The following DHX38 variants were observed in gnomAD, a reference collection of about 807,000 sequenced individuals.
DHX38 encodes DEAH-box helicase 38, also known as pre-mRNA-splicing factor ATP-dependent RNA helicase PRP16.
Under a neutral mutation model 153.1 loss-of-function variants are expected in DHX38, and 100 were observed. The ratio of observed to expected loss-of-function variants is 0.65; its 90% CI spans 0.56 to 0.77. DHX38 has a LOEUF of 0.77. Among genes scored for constraint, DHX38 ranks in the 30% least tolerant of loss-of-function variants. The pLI, the probability that DHX38 is intolerant of heterozygous loss-of-function variation, is 0.00. For synonymous variants in DHX38, 650 were observed against 631.7 expected, an observed-to-expected ratio of 1.03 and a Z score of -0.43; for missense variants, 1,440 against 1,654.0, an observed-to-expected ratio of 0.87 and a Z score of 2.24.
chr16:72,109,288 C>T, intron 24 of DHX38, 127 bp from the exon 25 acceptor site: 1 of 1,079,290 alleles, frequency 9.3e-7, no homozygotes, highest in Admixed American at 2.9e-5. Flanking sequence ...GGGGTTTTTC[C>T]TTTCCTTTTT....
intron 19 of DHX38, among the ~76,000 whole-genome samples, chr16:72,106,635 G>C (rs2042182530): frequency 6.6e-6 from 1 of 151,968 alleles, no homozygotes; most frequent in Non-Finnish European, 1.5e-5. Flanking sequence ...ATTTTGTAGA[G>C]ATGGGGTCTT....
chr16:72,109,358 T>C, intron 24 of DHX38, 57 bp from the exon 25 acceptor site: 1 of 1,575,538 alleles, frequency 6.3e-7, no homozygotes, highest in Non-Finnish European at 8.7e-7. Flanking sequence ...GTGGAACCAC[T>C]CTGGGAGGGA....
chr16:72,100,280 C>T (rs778554323), intron 8 of DHX38, among the ~76,000 whole-genome samples, 156 bp from the exon 9 acceptor site: 1 of 152,144 alleles, frequency 6.6e-6, no homozygotes, highest in Non-Finnish European at 1.5e-5. Context: ...GGGATCAGCA[C>T]CTCTTCTGTC....
In DHX38 at chr16:72,108,263, T is replaced by C; in HGVS notation, c.3001T>C (p.Phe1001Leu). 6 of 1,614,130 alleles carry C rather than the reference T, an allele frequency of 3.7e-6. No homozygotes were observed. Among genetic ancestry groups the C allele is most frequent in the Non-Finnish European group, 5.1e-6 (6 of 1,180,020 alleles). ...GGAGAGTGATCAAATCCGGGAGAAGTTCGCTGTTCCTGAGAGCGATCATTT... is the reference window on the plus strand; with the variant it reads ...GGAGAGTGATCAAATCCGGGAGAAGCTCGCTGTTCCTGAGAGCGATCATTT... ...EEESDQIREK[F>L]AVPESDHLTY... Residue 1001 changes from phenylalanine to leucine, a missense_variant, in exon 22 of 27, where the codon TTC becomes CTC. Physicochemically the swap from Phe to Leu is conservative, Grantham distance 22 (BLOSUM62 0). Transcript: ENST00000268482.
chr16:72,099,609 C>A, intron 7 of DHX38, 123 bp from the exon 8 acceptor site: 1 of 1,360,420 alleles, frequency 7.4e-7, no homozygotes, highest in Non-Finnish European at 1.0e-6. Context: ...CTCCTGCACC[C>A]CTCACAAGGG....
At position 72,111,054 on chromosome 16, in the gene DHX38, G is replaced by C. The variant is rs556300781; in HGVS notation, c.3576G>C (p.Lys1192Asn). 8 of 1,570,900 alleles carry C rather than the reference G, an allele frequency of 5.1e-6. No homozygotes were observed. In the South Asian group the frequency reaches 9.4e-5, roughly 18 times the overall value. ...QLRARRQEQE[K>N]RSPLGSVRST... ...GAGCCCGGCGGCAGGAGCAGGAGAA[G>C]CGCAGCCCCCTGGGCAGTGTCAGGT... The change falls in exon 26 of 27, where the codon AAG becomes AAC. Residue 1192 changes from lysine to asparagine, a missense_variant. By Grantham distance (94) the Lys-to-Asn change is moderately conservative. This residue lies in a region of DHX38 where 75 missense variants were observed against 69.5 expected (regional missense o/e 1.08). Transcript: ENST00000268482.
At chr16:72,110,886 T>C in intron 25 of DHX38, 70 bp from the exon 26 acceptor site, 2 of 1,502,390 alleles carry the variant, frequency 1.3e-6, no homozygotes, top group Admixed American at 2.1e-5. Context: ...GGCAGGGACT[T>C]GGGTGCCGAC....
intron 6 of DHX38, 61 bp from the exon 7 acceptor site, chr16:72,099,143 T>C: frequency 6.3e-7 from 1 of 1,594,850 alleles, no homozygotes; most frequent in Non-Finnish European, 8.5e-7. Flanking sequence ...CCTGCAGATC[T>C]GTCTGGGGCC....
chr16:72,105,406 G>A (rs1021532211), intron 17 of DHX38, 58 bp downstream of exon 17: 1 of 1,601,476 alleles, frequency 6.2e-7, no homozygotes, highest in South Asian at 1.1e-5. Flanking sequence ...GAAGCGAGAG[G>A]GGATGTGACT....
At chr16:72,099,543 T>C (rs1314342138) in intron 7 of DHX38, among the ~76,000 whole-genome samples, 189 bp from the exon 8 acceptor site, 2 of 134,026 alleles carry the variant, frequency 1.5e-5, no homozygotes, top group African/African-American at 6.7e-5. Flanking sequence ...CCTCCAGTCC[T>C]GTGTAGTTGC....
intron 4 of DHX38, 59 bp downstream of exon 4, chr16:72,097,840 G>T: frequency 1.4e-6 from 2 of 1,447,356 alleles, no homozygotes; most frequent in South Asian, 2.4e-5. Flanking sequence ...CAGAGTGAGT[G>T]ACTCTCGTCT....
At chr16:72,108,949 C>G (rs769009806) in intron 24 of DHX38, 24 bp downstream of exon 24, 20 of 1,579,480 alleles carry the variant, frequency 1.3e-5, no homozygotes, top group Non-Finnish European at 1.7e-5. Context: ...AAGGCACTTG[C>G]ATAATGCAGG....
In DHX38 at chr16:72,103,085, A is replaced by T; in HGVS notation, c.1511A>T (p.Lys504Met). The T allele has an allele frequency of 6.2e-7, 1 of 1,614,216 alleles. No homozygotes were observed. Among genetic ancestry groups the T allele is most frequent in the Non-Finnish European group, 8.5e-7 (1 of 1,180,038 alleles). ...CTGTGTGTTCCTAGGACAGAGCAGA[A>T]GTTTGCAGATCACATGAAGAGAAAG... is the stretch of plus-strand genomic sequence containing the variant. ...DGKVDYRTEQ[K>M]FADHMKRKSE... Residue 504 changes from lysine (K) to methionine (M), a missense_variant, in exon 12 of 27, where the codon AAG becomes ATG. Transcript: ENST00000268482.
intron 11 of DHX38, among the ~76,000 whole-genome samples, chr16:72,102,653 C>T (rs1182353184): frequency 6.6e-6 from 1 of 152,248 alleles, no homozygotes; most frequent in East Asian, 1.9e-4. Flanking sequence ...ATGTCCCGTG[C>T]TCTGCACCCT....
At chr16:72,099,993 T>G in intron 8 of DHX38, 106 bp downstream of exon 8, 1 of 1,437,332 alleles carries the variant, frequency 7.0e-7, no homozygotes, top group Non-Finnish European at 9.4e-7. Flanking sequence ...GTCCCCTGAT[T>G]GCCGAGAAGC....
At chr16:72,110,060 T>C (rs1362146083) in intron 25 of DHX38, among the ~76,000 whole-genome samples, 1 of 152,272 alleles carries the variant, frequency 6.6e-6, no homozygotes, top group African/African-American at 2.4e-5. Flanking sequence ...TAACTTCTTA[T>C]GATCGATTTG....
chr16:72,100,022 G>C lies in DHX38; in HGVS notation c.1116+135G>C, dbSNP rs1039680648. ...GAGAAGCCCAGATCCTCTGGAGGTG[G>C]AAGAGGAGTGGGTGATGAGCCTTTT... On this transcript the variant is annotated intron_variant, in intron 8 of 26. Coordinates refer to ENST00000268482, the MANE Select transcript of DHX38 (RefSeq NM_014003.4). 4 of 1,216,742 alleles carry C rather than the reference G, an allele frequency of 3.3e-6. No homozygotes were observed. In the African/African-American group the frequency reaches 6.0e-5, roughly 18 times the overall value. 75.4% of individuals were successfully genotyped at this position (1,216,742 alleles called of 1,614,324 possible). A position where few individuals can be genotyped will look rare whatever the true frequency, so the allele number is the denominator to read the frequency against.
In DHX38 at chr16:72,098,631, CTT is replaced by C; in HGVS notation, c.617-11_617-10del. 1 of 1,613,098 alleles carries C rather than the reference CTT, an allele frequency of 6.2e-7. No individual in the cohort carries two copies. The highest frequency in any genetic ancestry group is 8.5e-7 in the Non-Finnish European group (1 of 1,179,224). On this transcript the variant is annotated splice_polypyrimidine_tract_variant and intron_variant, in intron 4 of 26. Coordinates refer to ENST00000268482, the MANE Select transcript of DHX38 (RefSeq NM_014003.4). ...AGTGAGATGTTTCCTGTGGATGTGT[CTT>C]TTGTGGCCCAGATGCAGCCACCCCT... is the stretch of plus-strand genomic sequence containing the variant.
At position 72,112,488 on chromosome 16, in the gene DHX38, T is replaced by A. The variant is rs1305136232; in HGVS notation, c.3675T>A (p.Phe1225Leu). Residue 1225 changes from phenylalanine (F) to leucine (L), a missense_variant, in exon 27 of 27, where the codon TTT becomes TTA. Phe to Leu is a conservative substitution (Grantham distance 22). Coordinates refer to ENST00000268482, the MANE Select transcript of DHX38 (RefSeq NM_014003.4). ...CCCCTCGCCGCACGCCAGCCCGCTT[T>A]GGTCTGTGAGCTGAGGCTGTCCCCA... ...PMTPRRTPAR[F>L]GL 14 of 1,612,114 alleles carry A rather than the reference T, an allele frequency of 8.7e-6. No individual in the cohort carries two copies. Among genetic ancestry groups the A allele is most frequent in the Non-Finnish European group, 1.2e-5 (14 of 1,180,030 alleles).
Sources: gnomAD v4.1 joint callset for allele counts (sites outside exome capture counted in the v4.1 genomes callset) on GRCh38, gnomAD v4.1.1 for gene constraint, gnomAD v4.1.1 regional missense constraint, MANE v1.5 for transcripts, NCBI Gene and HGNC (gene_info 2026-07-23, HGNC 2026-07-21) for gene names.